Variants in FOXO3 observed in about 807,000 individuals in gnomAD.
The protein encoded by FOXO3 is forkhead box O3, also known as forkhead box protein O3.
FOXO3 carries 4 observed loss-of-function variants against 41.9 expected under a neutral mutation model. The observed-to-expected ratio is 0.10, with a 90% CI of 0.05 to 0.22. The LOEUF (loss-of-function observed/expected upper bound fraction) is 0.22, where lower values mean the gene tolerates loss of function less well. Ranked by LOEUF, FOXO3 falls within the 10% of genes least tolerant of loss-of-function variation. The pLI is 1.00. For synonymous variants in FOXO3, 318 were observed against 389.3 expected, an observed-to-expected ratio of 0.82 and a Z score of 2.16; for missense variants, 534 against 906.8, an observed-to-expected ratio of 0.59 and a Z score of 5.28.
chr6:108,630,518 T>C (rs910246407), intron 1 of FOXO3, among the ~76,000 whole-genome samples: 2 of 152,128 alleles, frequency 1.3e-5, no homozygotes, highest in African/African-American at 4.8e-5. Flanking sequence ...AAGGGAGCTG[T>C]TGAACATTTG....
chr6:108,606,065 C>T (rs1207116802), intron 1 of FOXO3, among the ~76,000 whole-genome samples: 1 of 152,092 alleles, frequency 6.6e-6, no homozygotes, highest in Non-Finnish European at 1.5e-5. Context: ...CACAAAGAAA[C>T]TTTGGTGCGA....
chr6:108,679,704 T>A (rs909832249), intron 2 of FOXO3, 123 bp from the exon 3 acceptor site: 3 of 154,420 alleles, frequency 1.9e-5, no homozygotes, highest in Admixed American at 6.5e-5. Flanking sequence ...AGCTTTGCTG[T>A]GCTAGCCCTG....
intron 1 of FOXO3, among the ~76,000 whole-genome samples, chr6:108,568,423 C>T (rs1342761364): frequency 6.6e-6 from 1 of 152,138 alleles, no homozygotes; most frequent in Non-Finnish European, 1.5e-5. Flanking sequence ...TCCATCAGCA[C>T]TCTCTACTTA....
At chr6:108,607,105 G>A (rs758404764) in intron 1 of FOXO3, among the ~76,000 whole-genome samples, 48 of 152,152 alleles carry the variant, frequency 3.2e-4, no homozygotes, top group Non-Finnish European at 5.7e-4. Flanking sequence ...ATACCTGAAA[G>A]GTCGTACTTA....
intron 2 of FOXO3, among the ~76,000 whole-genome samples, chr6:108,667,568 G>A (rs746642654): frequency 5.9e-5 from 9 of 152,104 alleles, no homozygotes; most frequent in South Asian, 2.1e-4. Flanking sequence ...GATCTTTCTC[G>A]TATATGTGTA....
chr6:108,571,799 G>A (rs978652316), intron 1 of FOXO3, among the ~76,000 whole-genome samples: 18 of 152,154 alleles, frequency 1.2e-4, no homozygotes, highest in African/African-American at 2.4e-4. Flanking sequence ...ATGGTAATTC[G>A]TTATGGCAGT....
Position 108,681,419 on chromosome 6 carries a change from TTGCA to T in FOXO3, c.*1628_*1631del, listed in dbSNP as rs1173418142. The T allele has an allele frequency of 6.6e-6, 1 of 152,338 alleles. No individual in the cohort carries two copies. Among genetic ancestry groups the T allele is most frequent in the Admixed American group, 6.6e-5 (1 of 15,264 alleles). The allele number at this position is 152,338 out of a possible 1,614,324, so 9.4% of individuals were successfully genotyped here. On this transcript the variant is annotated 3_prime_UTR_variant, in exon 3 of 3. Coordinates refer to ENST00000406360, the MANE Select transcript of FOXO3 (RefSeq NM_001455.4). ...TCCCTGCTTGAGTTCTTGCTGATGC[TTGCA>T]CCGTGACAGTGGGCACCAACACAGA...
Position 108,561,118 on chromosome 6 carries a change from T to G in FOXO3, c.-91T>G. ...CGGCGGCGCCCGGGAGCCGGAGCCT[T>G]CGCGGCGTCCACGTCCCTCCCCCGC... On this transcript the variant is annotated 5_prime_UTR_variant, in exon 1 of 3. Transcript: ENST00000406360. 1 of 1,435,670 alleles carries G rather than the reference T, an allele frequency of 7.0e-7. No homozygotes were observed. Among genetic ancestry groups the G allele is most frequent in the Non-Finnish European group, 9.1e-7 (1 of 1,104,144 alleles). The allele number at this position is 1,435,670 out of a possible 1,614,324, so 88.9% of individuals were successfully genotyped here.
chr6:108,601,778 A>C (rs1188330506), intron 1 of FOXO3, among the ~76,000 whole-genome samples: 1 of 152,152 alleles, frequency 6.6e-6, no homozygotes, highest in Admixed American at 6.5e-5. Context: ...TTTTTCCATT[A>C]AGCCTGATTT....
chr6:108,560,752 C>T (rs1294587992), upstream of FOXO3: 1 of 253,724 alleles, frequency 3.9e-6, no homozygotes, highest in Non-Finnish European at 7.4e-6. Context: ...CCGGCCGCTG[C>T]CCGCTTTAAA....
chr6:108,577,633 CTA>C (rs1776297109), intron 1 of FOXO3, among the ~76,000 whole-genome samples: 1 of 152,168 alleles, frequency 6.6e-6, no homozygotes, highest in Admixed American at 6.5e-5. Context: ...GCCTGGGCAT[CTA>C]TGTTTTTTAA....
intron 1 of FOXO3, among the ~76,000 whole-genome samples, chr6:108,619,231 C>T (rs1777601895): frequency 1.3e-5 from 2 of 152,196 alleles, no homozygotes. Flanking sequence ...GGGGGCAAGG[C>T]AGGAAGCATT....
At chr6:108,655,071 G>A (rs1277299339) in intron 1 of FOXO3, among the ~76,000 whole-genome samples, 1 of 152,218 alleles carries the variant, frequency 6.6e-6, no homozygotes, top group Non-Finnish European at 1.5e-5. Context: ...ACAAGGATCA[G>A]TTAGTGTTCC....
At chr6:108,616,486 T>C (rs1323040227) in intron 1 of FOXO3, among the ~76,000 whole-genome samples, 1 of 152,014 alleles carries the variant, frequency 6.6e-6, no homozygotes. Context: ...TTAGTAGAAA[T>C]GGGGTTTCGC....
chr6:108,629,516 T>G (rs1777902098), intron 1 of FOXO3, among the ~76,000 whole-genome samples: 1 of 152,148 alleles, frequency 6.6e-6, no homozygotes, highest in African/African-American at 2.4e-5. Flanking sequence ...TATGTTGAAC[T>G]TTTTTGGAGT....
intron 1 of FOXO3, among the ~76,000 whole-genome samples, chr6:108,577,219 C>T (rs951558718): frequency 4.6e-5 from 7 of 151,734 alleles, no homozygotes; most frequent in African/African-American, 1.7e-4. Context: ...AAATAGTATA[C>T]CTTATTAAGA....
chr6:108,671,164 C>A (rs906144362), intron 2 of FOXO3, among the ~76,000 whole-genome samples: 11 of 152,226 alleles, frequency 7.2e-5, no homozygotes, highest in Admixed American at 6.5e-4. Flanking sequence ...TCCATTATCA[C>A]ATGGTCTATT....
chr6:108,601,097 T>C (rs1470671941), intron 1 of FOXO3, among the ~76,000 whole-genome samples: 1 of 151,998 alleles, frequency 6.6e-6, no homozygotes, highest in East Asian at 1.9e-4. Context: ...AAGCTCCGCC[T>C]CTGGGGTTCA....
chr6:108,630,037 A>G (rs1176555234), intron 1 of FOXO3, among the ~76,000 whole-genome samples: 1 of 152,152 alleles, frequency 6.6e-6, no homozygotes, highest in Non-Finnish European at 1.5e-5. Context: ...CTTTTCTACT[A>G]TATTGGTCTA....
Sources: allele counts gnomAD v4.1 joint callset (sites outside exome capture counted in the v4.1 genomes callset), GRCh38; gene constraint gnomAD v4.1.1; transcripts MANE v1.5; gene names NCBI Gene and HGNC (gene_info 2026-07-23, HGNC 2026-07-21).